UFL1: variants seen among roughly 807,000 people sequenced by gnomAD.
The protein encoded by UFL1 is E3 UFM1-protein ligase 1.
A neutral mutation model predicts 99.3 loss-of-function variants in UFL1; 78 were observed. The ratio of observed to expected loss-of-function variants is 0.79; its 90% CI spans 0.65 to 0.95. UFL1 has a LOEUF of 0.95. UFL1 is among the 40% of genes least tolerant of loss of function. The pLI, the probability that UFL1 is intolerant of heterozygous loss-of-function variation, is 0.00. For missense variants in UFL1, 936 were observed against 937.0 expected, an observed-to-expected ratio of 1.00 and a Z score of 0.01; for synonymous variants, 335 against 322.2, an observed-to-expected ratio of 1.04 and a Z score of -0.42.
chr6:96,534,720 A>C (rs1769830459), intron 7 of UFL1, among the ~76,000 whole-genome samples: 1 of 152,068 alleles, frequency 6.6e-6, no homozygotes, highest in African/African-American at 2.4e-5. Context: ...AGCTGATAGC[A>C]ATAAAAGTAT....
chr6:96,528,649 G>A lies in UFL1; in HGVS notation c.596+17G>A, dbSNP rs761375156. ...TATTACCCGGTAAGTATATTTTAAA[G>A]TATATATATTTGCACATTTCTTTGA... On this transcript the variant is annotated intron_variant, in intron 6 of 18. Transcript: ENST00000369278. The A allele has an allele frequency of 3.3e-5, 53 of 1,592,090 alleles. 1 individual carries two copies. The Admixed American group carries it at 7.2e-4, about 22-fold the overall frequency.
At chr6:96,548,089 A>G (rs898037603) in intron 12 of UFL1, 75 bp from the exon 13 acceptor site, 1 of 897,140 alleles carries the variant, frequency 1.1e-6, no homozygotes, top group Non-Finnish European at 1.7e-6. Context: ...AAATATAGTA[A>G]TGGAGCCCTA....
At chr6:96,533,692 T>TAC (rs1769814013) in intron 6 of UFL1, among the ~76,000 whole-genome samples, 1 of 148,450 alleles carries the variant, frequency 6.7e-6, no homozygotes, top group Admixed American at 6.9e-5. Flanking sequence ...ATTGTACACT[T>TAC]AAACGATGGG....
Position 96,536,325 on chromosome 6 carries a change from C to G in UFL1, c.737C>G (p.Pro246Arg), listed in dbSNP as rs1769853210. 1 of 1,611,496 alleles carries G rather than the reference C, an allele frequency of 6.2e-7. No homozygotes were observed. The highest frequency in any genetic ancestry group is 1.1e-5 in the South Asian group (1 of 90,928). ...GGRQDKAVFV[P>R]DIYSRTQSTW... ...AGACAGGATAAAGCTGTGTTTGTCC[C>G]TGACATCTACTCCAGGACACAGAGT... Residue 246 changes from proline (P) to arginine (R), a missense_variant, in exon 8 of 19, where the codon CCT (proline) becomes CGT (arginine). Transcript: ENST00000369278.
chr6:96,528,317 T>G (rs1022097182), intron 5 of UFL1, among the ~76,000 whole-genome samples, 185 bp from the exon 6 acceptor site: 2 of 152,230 alleles, frequency 1.3e-5, no homozygotes, highest in Non-Finnish European at 2.9e-5. Context: ...TGCCATGAGA[T>G]AGTGAACTTT....
At chr6:96,526,193 T>G (rs1208045061) in intron 4 of UFL1, 128 bp from the exon 5 acceptor site, 1 of 668,308 alleles carries the variant, frequency 1.5e-6, no homozygotes, top group Non-Finnish European at 2.6e-6. Flanking sequence ...ATGAGTGGTG[T>G]TCATGTACAC....
Position 96,537,453 on chromosome 6 carries a change from G to A in UFL1, c.882G>A (p.Leu294=). 1 of 1,610,454 alleles carries A rather than the reference G, an allele frequency of 6.2e-7. No homozygotes were observed. Residue 294 remains leucine (L), a synonymous_variant, in exon 9 of 19, where the codon TTG becomes TTA. Transcript: ENST00000369278. ...AAAGATATAAGACTACACAACTCTT[G>A]TTTTTGAAAGCAGCTTGTGTTGGTC... ...IKKRYKTTQL[L]FLKAACVGQG...
Position 96,551,840 on chromosome 6 carries a change from C to T in UFL1, c.1902C>T (p.Ser634=), listed in dbSNP as rs372739171. Residue 634 remains serine, a splice_region_variant and synonymous_variant, in exon 17 of 19, where the codon AGC becomes AGT. Coordinates refer to ENST00000369278, the MANE Select transcript of UFL1 (RefSeq NM_015323.5). ...TATGGTATTCAATGCCTTTTCAGAG[C>T]ATAGAAGACTTTATTTCTTGTCTGG... ...TKLHNSLNEK[S]IEDFISCLDS... 81 of 1,597,044 alleles carry T rather than the reference C, an allele frequency of 5.1e-5. No homozygotes were observed. The highest frequency in any genetic ancestry group is 6.7e-5 in the Non-Finnish European group (78 of 1,169,494).
rs1770109751 is a variant in UFL1 at position 96,553,408 on chromosome 6, G to A, written c.2290G>A (p.Val764Ile). The change falls in exon 19 of 19, where the codon GTT becomes ATT. Residue 764 changes from valine (V) to isoleucine (I), a missense_variant. Coordinates refer to ENST00000369278, the MANE Select transcript of UFL1 (RefSeq NM_015323.5). ...TGAATTAGACAAAGAACAAGAAGAT[G>A]TTGCCAGTACTACTCGTAAAGAGCT... Reference protein sequence around the residue: ...NNELDKEQEDVASTTRKELQE... With the variant: ...NNELDKEQEDIASTTRKELQE... 6 of 1,613,804 alleles carry A rather than the reference G, an allele frequency of 3.7e-6. No homozygotes were observed. The East Asian group carries it at 1.3e-4, about 36-fold the overall frequency.
At chr6:96,551,581 T>C (rs1376702432) in intron 16 of UFL1, 68 bp downstream of exon 16, 1 of 1,124,790 alleles carries the variant, frequency 8.9e-7, no homozygotes, top group African/African-American at 1.6e-5. Context: ...TTGAGTAGAT[T>C]TTTTTATCAG....
chr6:96,530,860 C>T lies in UFL1; in HGVS notation c.596+2228C>T, dbSNP rs193240788. 1.2e-4 allele frequency among the ~76,000 whole-genome samples: 18 copies of T among 152,296 alleles called. 1 individual carries two copies. The highest frequency in any genetic ancestry group is 4.3e-4 in the African/African-American group (18 of 41,560). On this transcript the variant is annotated intron_variant, in intron 6 of 18. Coordinates refer to ENST00000369278, the MANE Select transcript of UFL1 (RefSeq NM_015323.5). ...ACTTATCACTATTCGGTTCTCACTG[C>T]TCCCAGGCCCTCTCAAAGTAGACAA...
At chr6:96,542,474 T>C (rs1202303745) in intron 11 of UFL1, among the ~76,000 whole-genome samples, 1 of 151,296 alleles carries the variant, frequency 6.6e-6, no homozygotes, top group Non-Finnish European at 1.5e-5. Flanking sequence ...AATAATTAAA[T>C]TTGTGAAGTC....
chr6:96,552,448 G>A, intron 17 of UFL1, 34 bp from the exon 18 acceptor site: 1 of 1,514,326 alleles, frequency 6.6e-7, no homozygotes, highest in Non-Finnish European at 8.8e-7. Flanking sequence ...CTTAAATTAT[G>A]ATAATGAATT....
At chr6:96,529,367 C>T (rs911051111) in intron 6 of UFL1, among the ~76,000 whole-genome samples, 1 of 152,102 alleles carries the variant, frequency 6.6e-6, no homozygotes, top group Non-Finnish European at 1.5e-5. Context: ...TGTTTGTTCC[C>T]TCTCTTAAAG....
In UFL1 at chr6:96,536,339, A is replaced by G. The variant is rs1313959375; in HGVS notation, c.751A>G (p.Arg251Gly). The stretch of plus-strand genomic sequence containing the variant: ...TGTGTTTGTCCCTGACATCTACTCC[A>G]GGACACAGAGTACTTGGGTGGATTC... Reference protein sequence around the residue: ...KAVFVPDIYSRTQSTWVDSFF... With the variant: ...KAVFVPDIYSGTQSTWVDSFF... The change falls in exon 8 of 19, where the codon AGG (arginine) becomes GGG (glycine). Residue 251 changes from arginine (R) to glycine (G), a missense_variant. Physicochemically the swap from Arg to Gly is moderately radical, Grantham distance 125. Coordinates refer to ENST00000369278, the MANE Select transcript of UFL1 (RefSeq NM_015323.5). The G allele has an allele frequency of 1.9e-6, 3 of 1,611,434 alleles. No individual in the cohort carries two copies. The highest frequency in any genetic ancestry group is 2.5e-6 in the Non-Finnish European group (3 of 1,178,278).
Position 96,554,272 on chromosome 6 carries a change from C to G in UFL1, c.*769C>G, listed in dbSNP as rs1420458701. 1 of 152,128 alleles carries G rather than the reference C, an allele frequency of 6.6e-6. No individual in the cohort carries two copies. Among genetic ancestry groups the G allele is most frequent in the African/African-American group, 2.4e-5 (1 of 41,434 alleles). The allele number at this position is 152,128 out of a possible 1,614,324, so 9.4% of individuals were successfully genotyped here. A position where few individuals can be genotyped will look rare whatever the true frequency, so the allele number is the denominator to read the frequency against. ...CTAAGCATTTTATACAAAGATTTTT[C>G]TTTGACCCAGTTTGCATTTGTACAT... On this transcript the variant is annotated 3_prime_UTR_variant, in exon 19 of 19. Coordinates refer to ENST00000369278, the MANE Select transcript of UFL1 (RefSeq NM_015323.5).
intron 16 of UFL1, 29 bp from the exon 17 acceptor site, chr6:96,551,809 G>A: frequency 2.1e-6 from 3 of 1,443,258 alleles, no homozygotes; most frequent in Non-Finnish European, 2.9e-6. Flanking sequence ...ATATATAAAA[G>A]TAAATTATGG....
chr6:96,544,999 A>G (rs894566366), intron 12 of UFL1, among the ~76,000 whole-genome samples: 5 of 151,040 alleles, frequency 3.3e-5, no homozygotes, highest in Non-Finnish European at 7.4e-5. Context: ...TATAGGATCA[A>G]CTCAGTATGA....
chr6:96,549,926 A>G lies in UFL1; in HGVS notation c.1818+127A>G, dbSNP rs552187415. The G allele has an allele frequency of 4.9e-5, 66 of 1,347,366 alleles. 1 individual carries two copies. The African/African-American group carries it at 6.8e-4, about 14-fold the overall frequency. The allele number at this position is 1,347,366 out of a possible 1,614,324, so 83.5% of individuals were successfully genotyped here. On this transcript the variant is annotated intron_variant, in intron 15 of 18. Coordinates refer to ENST00000369278, the MANE Select transcript of UFL1 (RefSeq NM_015323.5). ...GAAAGAGGTTTGAGGAAAAAAATCT[A>G]AAAGTTTTTTATTCAACTTTAGTAC...
Sources: gnomAD v4.1 joint callset for allele counts (sites outside exome capture counted in the v4.1 genomes callset) on GRCh38, gnomAD v4.1.1 for gene constraint, MANE v1.5 for transcripts, NCBI Gene and HGNC (gene_info 2026-07-23, HGNC 2026-07-21) for gene names.